RBM47: variants seen among roughly 807,000 people sequenced by gnomAD.
RBM47 encodes RNA binding motif protein 47, also known as RNA-binding protein 47.
A neutral mutation model predicts 47.1 loss-of-function variants in RBM47; 21 were observed. The ratio of observed to expected loss-of-function variants is 0.45; its 90% confidence interval spans 0.32 to 0.64. RBM47 has a LOEUF of 0.64. Among genes scored for constraint, RBM47 ranks in the 30% least tolerant of loss-of-function variants. The pLI is 0.05. For synonymous variants in RBM47, 375 were observed against 361.7 expected, an observed-to-expected ratio of 1.04 and a Z score of -0.42; for missense variants, 708 against 870.9, an observed-to-expected ratio of 0.81 and a Z score of 2.35.
intron 1 of RBM47, among the ~76,000 whole-genome samples, chr4:40,580,441 G>C (rs1254391559): frequency 6.8e-6 from 1 of 147,994 alleles, no homozygotes; most frequent in Non-Finnish European, 1.5e-5. Flanking sequence ...TCAGATCATT[G>C]TGGACACCAG....
At chr4:40,552,155 T>G (rs1729623714) in intron 1 of RBM47, among the ~76,000 whole-genome samples, 1 of 151,812 alleles carries the variant, frequency 6.6e-6, no homozygotes, top group African/African-American at 2.4e-5. Flanking sequence ...TCCCAGCACT[T>G]TGGGAGGCTG....
chr4:40,556,857 T>C (rs1463919405), intron 1 of RBM47, among the ~76,000 whole-genome samples: 3 of 151,826 alleles, frequency 2.0e-5, no homozygotes, highest in Non-Finnish European at 2.9e-5. Flanking sequence ...GCCACGGCAC[T>C]CCAGCCTGGG....
At chr4:40,528,942 C>CAAA (rs201660719) in intron 2 of RBM47, among the ~76,000 whole-genome samples, 1 of 140,586 alleles carries the variant, frequency 7.1e-6, no homozygotes, top group African/African-American at 2.6e-5. Flanking sequence ...GACTCCGTCT[C>CAAA]AAAAAAAAAA....
At chr4:40,601,403 C>T (rs989141042) in intron 1 of RBM47, among the ~76,000 whole-genome samples, 1 of 152,112 alleles carries the variant, frequency 6.6e-6, no homozygotes, top group Non-Finnish European at 1.5e-5. Flanking sequence ...CCAGAAAGCC[C>T]CGCTGGCCCT....
chr4:40,467,539 A>C (rs1451221908), intron 2 of RBM47, among the ~76,000 whole-genome samples: 1 of 151,746 alleles, frequency 6.6e-6, no homozygotes, highest in East Asian at 1.9e-4. Context: ...GATCCACCCG[A>C]CTCAGCCTCC....
At chr4:40,614,848 A>G (rs1320911902) in intron 1 of RBM47, among the ~76,000 whole-genome samples, 3 of 151,862 alleles carry the variant, frequency 2.0e-5, no homozygotes, top group Non-Finnish European at 4.4e-5. Context: ...CACATACACA[A>G]AAGAGTCTCA....
chr4:40,474,783 T>A (rs1007811237), intron 2 of RBM47, among the ~76,000 whole-genome samples: 2 of 152,198 alleles, frequency 1.3e-5, no homozygotes, highest in Non-Finnish European at 1.5e-5. Context: ...CCCAAACTTA[T>A]CTTTTGACAC....
intron 2 of RBM47, among the ~76,000 whole-genome samples, chr4:40,489,916 C>T (rs1398661368): frequency 6.6e-6 from 1 of 152,130 alleles, no homozygotes; most frequent in Non-Finnish European, 1.5e-5. Flanking sequence ...CAACTAAATA[C>T]TAATAAACTG....
intron 1 of RBM47, among the ~76,000 whole-genome samples, chr4:40,616,961 C>G (rs1477836256): frequency 1.3e-5 from 2 of 149,764 alleles, no homozygotes; most frequent in African/African-American, 2.5e-5. Context: ...CTGCAACCTC[C>G]GCCTCCCAGA....
intron 1 of RBM47, among the ~76,000 whole-genome samples, chr4:40,578,069 A>C (rs1317962013): frequency 6.6e-6 from 1 of 152,220 alleles, no homozygotes; most frequent in Non-Finnish European, 1.5e-5. Context: ...GAAAATCAAA[A>C]TGGAGTCACC....
At chr4:40,602,167 C>T (rs539521584) in intron 1 of RBM47, among the ~76,000 whole-genome samples, 35 of 150,776 alleles carry the variant, frequency 2.3e-4, no homozygotes, top group African/African-American at 8.0e-4. Context: ...CAGAGCAAGA[C>T]TCCATCGAGA....
chr4:40,519,754 C>T (rs1259164625), intron 2 of RBM47, among the ~76,000 whole-genome samples: 1 of 148,194 alleles, frequency 6.7e-6, no homozygotes, highest in East Asian at 2.1e-4. Flanking sequence ...ACTGCAACCT[C>T]CATCTCCCAG....
Position 40,437,863 on chromosome 4 carries a change from C to T in RBM47, c.1031G>A (p.Ser344Asn). 1 of 1,613,982 alleles carries T rather than the reference C, an allele frequency of 6.2e-7. No individual in the cohort carries two copies. Among genetic ancestry groups the T allele is most frequent in the Non-Finnish European group, 8.5e-7 (1 of 1,180,024 alleles). The change falls in exon 4 of 7, where the codon AGC (serine) becomes AAC (asparagine). Residue 344 changes from serine (S) to asparagine (N), a missense_variant. Coordinates refer to ENST00000295971, the MANE Select transcript of RBM47 (RefSeq NM_001098634.2). ...GGAAEAAQQP[S>N]YVYSCDPYTL... ...GTAGGGGTCGCAGGAGTACACGTAG[C>T]TGGGCTGCTGCGCTGCCTCAGCCGC...
At chr4:40,494,532 G>A (rs1423722594) in intron 2 of RBM47, among the ~76,000 whole-genome samples, 3 of 152,192 alleles carry the variant, frequency 2.0e-5, no homozygotes, top group Non-Finnish European at 4.4e-5. Context: ...AAGGAACAAG[G>A]TGTCATTCAG....
At chr4:40,560,116 A>C (rs1171500750) in intron 1 of RBM47, among the ~76,000 whole-genome samples, 1 of 152,300 alleles carries the variant, frequency 6.6e-6, no homozygotes, top group Non-Finnish European at 1.5e-5. Context: ...GTCAAAACGC[A>C]GCCAAGCTGA....
At chr4:40,433,891 G>T (rs1029862345) in intron 5 of RBM47, among the ~76,000 whole-genome samples, 1 of 151,662 alleles carries the variant, frequency 6.6e-6, no homozygotes, top group Non-Finnish European at 1.5e-5. Context: ...CCAAAATTAT[G>T]ATTTCAACCA....
At chr4:40,472,483 A>G (rs1179842424) in intron 2 of RBM47, among the ~76,000 whole-genome samples, 1 of 149,920 alleles carries the variant, frequency 6.7e-6, no homozygotes, top group Non-Finnish European at 1.5e-5. Context: ...AATCACTTAA[A>G]CCTGGGAGGT....
In RBM47 at chr4:40,438,114, G is replaced by T; in HGVS notation, c.780C>A (p.Asp260Glu). ...VRNLMIETTE[D>E]TIKKSFGQFN... ...ACTGGCCGAAGCTCTTCTTGATGGT[G>T]TCCTCGGTGGTCTCGATCATGAGGT... is the stretch of plus-strand genomic sequence containing the variant. The change falls in exon 4 of 7, where the codon GAC (aspartate) becomes GAA (glutamate). Residue 260 changes from aspartate (D) to glutamate (E), a missense_variant. Coordinates refer to ENST00000295971, the MANE Select transcript of RBM47 (RefSeq NM_001098634.2). The T allele has an allele frequency of 6.2e-7, 1 of 1,613,530 alleles. No homozygotes were observed. Among genetic ancestry groups the T allele is most frequent in the East Asian group, 2.2e-5 (1 of 44,860 alleles).
chr4:40,451,184 CAAAAAAAAA>C lies in RBM47; in HGVS notation c.-31-12269_-31-12261del, dbSNP rs958122281. On this transcript the variant is annotated intron_variant, in intron 3 of 6. Transcript: ENST00000295971. ...CAGCATGGCAAGGCGCAGTAGCTACCAAAAAAAAAAAAAAAAAAAAAAGTCAAGGCTATC... is the reference window on the plus strand; with the variant it reads ...CAGCATGGCAAGGCGCAGTAGCTACCAAAAAAAAAAAAAGTCAAGGCTATC... 2.8e-3 allele frequency among the ~76,000 whole-genome samples: 142 copies of C among 51,478 alleles called. 1 individual carries two copies. In the Middle Eastern group the frequency reaches 0.031, roughly 11 times the overall value. The allele number at this position is 51,478 out of a possible 152,430, so 33.8% of individuals were successfully genotyped here.
Sources: allele counts gnomAD v4.1 joint callset (sites outside exome capture counted in the v4.1 genomes callset), GRCh38; gene constraint gnomAD v4.1.1; transcripts MANE v1.5; gene names NCBI Gene and HGNC (gene_info 2026-07-23, HGNC 2026-07-21).